Variants in PNPLA5 observed in about 807,000 individuals in gnomAD.
The protein encoded by PNPLA5 is patatin-like phospholipase domain-containing protein 5.
PNPLA5 carries 44 observed loss-of-function variants against 49.1 expected under a neutral mutation model. The observed-to-expected ratio is 0.90, with a 90% CI of 0.70 to 1.15. The LOEUF (loss-of-function observed/expected upper bound fraction) is 1.15, where lower values mean the gene tolerates loss of function less well. Among genes scored for constraint, PNPLA5 ranks in the 50% most tolerant of loss-of-function variants. PNPLA5 has a pLI of 0.00. For synonymous variants in PNPLA5, 243 were observed against 244.4 expected (o/e 0.99, Z 0.06); for missense variants, 603 against 564.0 (o/e 1.07, Z -0.70).
chr22:43,887,087 A>ACACG (rs2049672580), intron 5 of PNPLA5, among the ~76,000 whole-genome samples: 3 of 151,662 alleles, frequency 2.0e-5, no homozygotes, highest in East Asian at 1.9e-4. Context: ...ACACACACAC[A>ACACG]CACACCCCTC....
chr22:43,891,024 G>GC, intron 2 of PNPLA5, 38 bp downstream of exon 2: 4 of 1,581,616 alleles, frequency 2.5e-6, no homozygotes, highest in Non-Finnish European at 3.4e-6. Context: ...GATGGAGCCC[G>GC]CCCACCAGCC....
chr22:43,891,340 T>G, intron 1 of PNPLA5, 46 bp from the exon 2 acceptor site: 1 of 1,515,150 alleles, frequency 6.6e-7, no homozygotes, highest in Non-Finnish European at 8.8e-7. Flanking sequence ...CCAGGGATCC[T>G]GCCAGTCCCT....
rs760717443 is a variant in PNPLA5 at position 43,889,444 on chromosome 22, C to A, written c.587G>T (p.Cys196Phe). 1.2e-6 allele frequency: 2 copies of A among 1,614,032 alleles called. No individual in the cohort carries two copies. Among genetic ancestry groups the A allele is most frequent in the South Asian group, 1.1e-5 (1 of 91,058 alleles). Reference sequence around the variant, plus strand: ...CAGGTTGGGGGAGGTGCTCTGGGGGCAGATGTCCACTGTCCCATGGAAGGG... The same window carrying A: ...CAGGTTGGGGGAGGTGCTCTGGGGGAAGATGTCCACTGTCCCATGGAAGGG... ...VSPFHGTVDI[C>F]PQSTSPNLHE... is the part of the protein sequence containing the mutation. Residue 196 changes from cysteine to phenylalanine, a missense_variant, in exon 4 of 9, where the codon TGC becomes TTC. Physicochemically the swap from Cys to Phe is radical, Grantham distance 205. Transcript: ENST00000216177.
chr22:43,891,492 T>C (rs541596638), intron 1 of PNPLA5, 196 bp downstream of exon 1: 1 of 904,490 alleles, frequency 1.1e-6, no homozygotes, highest in Admixed American at 6.2e-5. Context: ...ACAGAGTTTC[T>C]GGCTCTGAGC....
chr22:43,891,593 C>T (rs755362826), intron 1 of PNPLA5, 95 bp downstream of exon 1: 188 of 1,412,286 alleles, frequency 1.3e-4, no homozygotes, highest in Non-Finnish European at 1.6e-4. Context: ...GGGTAGAGGG[C>T]GCAGAGCACA....
In PNPLA5 at chr22:43,881,032, G is replaced by A. The variant is rs1488285804; in HGVS notation, c.1200-147C>T. ...GGGAGGACATGTGGACCTCAGTGTG[G>A]CTGAGCTGGAAGTGTCAGGGAGGTC... On this transcript the variant is annotated intron_variant, in intron 8 of 8. Transcript: ENST00000216177. 11 of 1,232,144 alleles carry A rather than the reference G, an allele frequency of 8.9e-6. No homozygotes were observed. In the Admixed American group the frequency reaches 4.6e-4, roughly 52 times the overall value. The allele number at this position is 1,232,144 out of a possible 1,614,324, so 76.3% of individuals were successfully genotyped here. A position where few individuals can be genotyped will look rare whatever the true frequency, so the allele number is the denominator to read the frequency against.
chr22:43,886,370 C>A lies in PNPLA5; in HGVS notation c.882G>T (p.Trp294Cys). 1 of 1,614,146 alleles carries A rather than the reference C, an allele frequency of 6.2e-7. No individual in the cohort carries two copies. Among genetic ancestry groups the A allele is most frequent in the South Asian group, 1.1e-5 (1 of 91,082 alleles). The change falls in exon 6 of 9, where the codon TGG becomes TGT. Residue 294 changes from tryptophan (W) to cysteine (C), a missense_variant. Transcript: ENST00000216177. ...CCTTGACTTGCACATGGGGCACTTT[C>A]CAGTTGAGAGACAGGCCCCCCTTCC... ...QRWKGGLSLN[W>C]KVPHVQVKDV... is the part of the protein sequence containing the mutation.
chr22:43,880,200 C>G lies in PNPLA5; in HGVS notation c.*595G>C. ...GGGCCACTGGGCCCAACAGAAGCAC[C>G]CACAGCTGGGATCCTGAAAAGACCT... On this transcript the variant is annotated 3_prime_UTR_variant, in exon 9 of 9. Coordinates refer to ENST00000216177, the MANE Select transcript of PNPLA5 (RefSeq NM_138814.4). 2.6e-6 allele frequency: 1 copy of G among 388,700 alleles called. No homozygotes were observed. Among genetic ancestry groups the G allele is most frequent in the Non-Finnish European group, 4.5e-6 (1 of 220,334 alleles). The allele number at this position is 388,700 out of a possible 1,614,324, so 24.1% of individuals were successfully genotyped here.
chr22:43,887,691 G>A (rs2049680319), intron 4 of PNPLA5, 40 bp from the exon 5 acceptor site: 1 of 1,576,816 alleles, frequency 6.3e-7, no homozygotes. Flanking sequence ...GGCAAGGCCT[G>A]GACCTACCCC....
chr22:43,884,364 C>A lies in PNPLA5; in HGVS notation c.950-19G>T. 6.5e-7 allele frequency: 1 copy of A among 1,539,582 alleles called. No homozygotes were observed. The highest frequency in any genetic ancestry group is 8.8e-7 in the Non-Finnish European group (1 of 1,140,200). ...TTCAGTGCTGCAAGAGAAGCCCTGG[C>A]ATGGCCCTGCCCACCTGAAGTCTGT... On this transcript the variant is annotated intron_variant, in intron 6 of 8. Coordinates refer to ENST00000216177, the MANE Select transcript of PNPLA5 (RefSeq NM_138814.4).
intron 5 of PNPLA5, among the ~76,000 whole-genome samples, chr22:43,887,110 G>C (rs192525402): frequency 6.6e-6 from 1 of 151,902 alleles, no homozygotes; most frequent in Non-Finnish European, 1.5e-5. Flanking sequence ...GCCATATTGA[G>C]TTATGTGCCC....
chr22:43,884,316 T>C lies in PNPLA5; in HGVS notation c.979A>G (p.Ser327Gly), dbSNP rs1389902544. The change falls in exon 7 of 9, where the codon AGC becomes GGC. Residue 327 changes from serine (S) to glycine (G), a missense_variant. Physicochemically the swap from Ser to Gly is moderately conservative, Grantham distance 56 (BLOSUM62 0). Coordinates refer to ENST00000216177, the MANE Select transcript of PNPLA5 (RefSeq NM_138814.4). ...GAGTGCCAGAAGCGGGCCCACCGGC[T>C]GGGATCCCTCGTACATGCTTTCTTC... Reference protein sequence around the residue: ...ALKKACTRDPSRWARFWHSGP... With the variant: ...ALKKACTRDPGRWARFWHSGP... 6.3e-7 allele frequency: 1 copy of C among 1,596,460 alleles called. No homozygotes were observed. Among genetic ancestry groups the C allele is most frequent in the South Asian group, 1.1e-5 (1 of 88,996 alleles).
At chr22:43,882,409 G>T (rs376793878) in intron 7 of PNPLA5, among the ~76,000 whole-genome samples, 1 of 152,212 alleles carries the variant, frequency 6.6e-6, no homozygotes, top group African/African-American at 2.4e-5. Flanking sequence ...CCACTGCAGG[G>T]CCTCAACCTG....
At chr22:43,888,340 A>T (rs2049686593) in intron 4 of PNPLA5, among the ~76,000 whole-genome samples, 1 of 147,046 alleles carries the variant, frequency 6.8e-6, no homozygotes, top group African/African-American at 2.5e-5. Flanking sequence ...AGAAGGGACA[A>T]GGAAGAGCCA....
At chr22:43,887,865 T>C (rs1012396311) in intron 4 of PNPLA5, 3 of 722,392 alleles carry the variant, frequency 4.2e-6, no homozygotes, top group African/African-American at 3.9e-5. Flanking sequence ...ACAGATCTGC[T>C]TGGCTAGTTC....
At chr22:43,890,794 G>A (rs2049714585) in intron 2 of PNPLA5, among the ~76,000 whole-genome samples, 2 of 152,230 alleles carry the variant, frequency 1.3e-5, no homozygotes, top group South Asian at 4.1e-4. Context: ...CTGCCCTCTG[G>A]AAAGAGCAGT....
intron 4 of PNPLA5, among the ~76,000 whole-genome samples, chr22:43,889,003 A>T (rs541288849): frequency 6.6e-6 from 1 of 152,336 alleles, no homozygotes; most frequent in African/African-American, 2.4e-5. Context: ...AGAAATGGAA[A>T]TGATAACGGT....
chr22:43,889,006 ATAACGG>A (rs2049694875), intron 4 of PNPLA5, among the ~76,000 whole-genome samples: 1 of 152,224 alleles, frequency 6.6e-6, no homozygotes, highest in Admixed American at 6.5e-5. Context: ...AATGGAAATG[ATAACGG>A]TACCTGCCTA....
At chr22:43,888,493 G>C (rs1383607953) in intron 4 of PNPLA5, among the ~76,000 whole-genome samples, 2 of 132,478 alleles carry the variant, frequency 1.5e-5, no homozygotes, top group African/African-American at 5.8e-5. Context: ...AGAGTGTAAT[G>C]GCACTATCTC....
Sources: allele counts gnomAD v4.1 joint callset (sites outside exome capture counted in the v4.1 genomes callset), GRCh38; gene constraint gnomAD v4.1.1; transcripts MANE v1.5; gene names NCBI Gene and HGNC (gene_info 2026-07-23, HGNC 2026-07-21).